The following ZNG1E variants were observed in gnomAD, a reference collection of about 807,000 sequenced individuals.
ZNG1E encodes Zn regulated GTPase metalloprotein activator 1E.
At chr9:65,654,963 T>C in the ZNG1E span, among the ~76,000 whole-genome samples, 1 of 152,268 alleles carries the variant, frequency 6.6e-6, no homozygotes, top group Non-Finnish European at 1.5e-5. Flanking sequence ...ATAATTTCTA[T>C]ACCTGGTAAT....
the ZNG1E span, among the ~76,000 whole-genome samples, chr9:65,712,109 C>G: frequency 6.7e-6 from 1 of 148,490 alleles, no homozygotes; most frequent in Non-Finnish European, 1.5e-5. Context: ...AGGAATTTAT[C>G]CATTTCTTCT....
chr9:65,719,182 T>TGC, the ZNG1E span, among the ~76,000 whole-genome samples: 1 of 137,096 alleles, frequency 7.3e-6, no homozygotes, highest in Non-Finnish European at 1.5e-5. Context: ...TTTTTGTGTG[T>TGC]GCTTAACTGC....
the ZNG1E span, among the ~76,000 whole-genome samples, chr9:65,681,311 C>T: frequency 6.6e-6 from 1 of 152,204 alleles, no homozygotes; most frequent in South Asian, 2.1e-4. Context: ...TGGGGGTGGC[C>T]AAGTAAGAGG....
At chr9:65,693,164 A>G in the ZNG1E span, among the ~76,000 whole-genome samples, 1 of 152,182 alleles carries the variant, frequency 6.6e-6, no homozygotes. Flanking sequence ...GGATATACAC[A>G]TAGGATTAGT....
At chr9:65,714,179 G>T in the ZNG1E span, among the ~76,000 whole-genome samples, 3 of 147,792 alleles carry the variant, frequency 2.0e-5, no homozygotes, top group East Asian at 5.8e-4. Context: ...TCTTCACGTA[G>T]TTCTCGAGCC....
At chr9:65,658,854 T>C in the ZNG1E span, among the ~76,000 whole-genome samples, 1 of 150,348 alleles carries the variant, frequency 6.7e-6, no homozygotes, top group Non-Finnish European at 1.5e-5. Flanking sequence ...TGGTCAGTGT[T>C]GTCTGTGTCC....
At chr9:65,683,873 A>G in the ZNG1E span, among the ~76,000 whole-genome samples, 1 of 152,288 alleles carries the variant, frequency 6.6e-6, no homozygotes, top group East Asian at 1.9e-4. Context: ...TTGGACTAAT[A>G]TGTTGGCGTT....
chr9:65,675,315 A>G, the ZNG1E span, among the ~76,000 whole-genome samples: 1 of 152,116 alleles, frequency 6.6e-6, no homozygotes, highest in East Asian at 1.9e-4. Context: ...AGCAAATATG[A>G]TTAATGAACT....
the ZNG1E span, chr9:65,707,887 A>G: frequency 7.5e-6 from 1 of 133,656 alleles, no homozygotes; most frequent in Non-Finnish European, 1.6e-5. Flanking sequence ...TTTGAGGCGG[A>G]GTCTCACTCT....
At chr9:65,717,441 A>C in the ZNG1E span, among the ~76,000 whole-genome samples, 1 of 148,194 alleles carries the variant, frequency 6.7e-6, no homozygotes, top group East Asian at 1.9e-4. Flanking sequence ...CCAGAAGTCT[A>C]GCCCATCCTA....
chr9:65,666,258 A>G, the ZNG1E span, among the ~76,000 whole-genome samples: 7 of 150,586 alleles, frequency 4.6e-5, no homozygotes, highest in Admixed American at 4.7e-4. Flanking sequence ...TAACTGAATC[A>G]TGGGGGCAGG....
At chr9:65,665,109 G>A in the ZNG1E span, among the ~76,000 whole-genome samples, 12 of 152,362 alleles carry the variant, frequency 7.9e-5, no homozygotes, top group African/African-American at 2.6e-4. Context: ...CCCATTTTCT[G>A]AGGAGAAATT....
the ZNG1E span, among the ~76,000 whole-genome samples, chr9:65,695,901 T>C: frequency 2.0e-5 from 3 of 151,576 alleles, no homozygotes; most frequent in Non-Finnish European, 4.4e-5. Flanking sequence ...AGATAAGGAA[T>C]ACTTTGGACA....
At chr9:65,717,324 T>C in the ZNG1E span, among the ~76,000 whole-genome samples, 8,672 of 143,880 alleles carry the variant, frequency 0.06, 16 homozygotes, top group African/African-American at 0.081. Flanking sequence ...ATGGTCTTTT[T>C]TTCCCATCTT....
chr9:65,663,255 T>C, the ZNG1E span, among the ~76,000 whole-genome samples: 3 of 152,230 alleles, frequency 2.0e-5, no homozygotes, highest in Non-Finnish European at 2.9e-5. Context: ...CTTTAAAGAA[T>C]GTAGTGACCA....
the ZNG1E span, among the ~76,000 whole-genome samples, chr9:65,660,256 A>G: frequency 1.5e-5 from 2 of 133,406 alleles, no homozygotes; most frequent in Non-Finnish European, 3.1e-5. Flanking sequence ...GAACATATGA[A>G]AAGGAGATTT....
chr9:65,660,500 C>T, the ZNG1E span, among the ~76,000 whole-genome samples: 3 of 152,358 alleles, frequency 2.0e-5, no homozygotes, highest in Admixed American at 6.5e-5. Context: ...CAAAATTAAA[C>T]GTTGGAAGTG....
At chr9:65,666,724 A>G in the ZNG1E span, among the ~76,000 whole-genome samples, 2 of 149,334 alleles carry the variant, frequency 1.3e-5, no homozygotes, top group Admixed American at 6.7e-5. Context: ...TATGATTTAC[A>G]GAATTTCATG....
At chr9:65,712,310 TGGATTCATTAATTTTTTGAAG>T in the ZNG1E span, among the ~76,000 whole-genome samples, 12 of 61,980 alleles carry the variant, frequency 1.9e-4, no homozygotes, top group African/African-American at 1.3e-3. Flanking sequence ...AACCAGCTCC[TGGATTCATTAATTTTTTGAAG>T]GGTTTTTTGT....
Sources: gnomAD v4.1 joint callset for allele counts (sites outside exome capture counted in the v4.1 genomes callset) on GRCh38, gnomAD v4.1.1 for gene constraint, MANE v1.5 for transcripts, NCBI Gene and HGNC (gene_info 2026-07-23, HGNC 2026-07-21) for gene names.